Variants in MVB12B observed in about 807,000 individuals in gnomAD.
MVB12B encodes ESCRT-I complex subunit MVB12B.
A neutral mutation model predicts 41.6 loss-of-function variants in MVB12B; 16 were observed. That is an observed-to-expected ratio of 0.38 (90% CI 0.26 to 0.58). MVB12B has a LOEUF of 0.58. MVB12B is among the 20% of genes least tolerant of loss of function. MVB12B has a pLI of 0.62. For missense variants in MVB12B, 274 were observed against 380.2 expected, an observed-to-expected ratio of 0.72 and a Z score of 2.32; for synonymous variants, 133 against 139.7, an observed-to-expected ratio of 0.95 and a Z score of 0.34.
At chr9:126,410,399 T>G (rs565690633) in intron 6 of MVB12B, among the ~76,000 whole-genome samples, 56 of 152,218 alleles carry the variant, frequency 3.7e-4, no homozygotes, top group Non-Finnish European at 7.2e-4. Flanking sequence ...CCAGCCATTT[T>G]CTTCAGCTGT....
In MVB12B at chr9:126,386,735, T is replaced by G; in HGVS notation, c.409+77T>G. 1 of 1,099,446 alleles carries G rather than the reference T, an allele frequency of 9.1e-7. No individual in the cohort carries two copies. The highest frequency in any genetic ancestry group is 1.4e-6 in the Non-Finnish European group (1 of 732,670). 68.1% of individuals were successfully genotyped at this position (1,099,446 alleles called of 1,614,324 possible). ...GTATATTTGTAGGTGTTTTTCTATG[T>G]GCATTTTTCTTCAGAAACACTTTTG... On this transcript the variant is annotated intron_variant, in intron 4 of 9. Coordinates refer to ENST00000361171, the MANE Select transcript of MVB12B (RefSeq NM_033446.3). This position sits in a 1 kb window ranked among gnomAD's most constrained non-coding sequence, Gnocchi z 4.3.
chr9:126,362,714 G>A (rs557795219), intron 2 of MVB12B, among the ~76,000 whole-genome samples: 6 of 152,202 alleles, frequency 3.9e-5, no homozygotes, highest in East Asian at 1.9e-4. Flanking sequence ...TTTTTACATC[G>A]TACAAACTAT....
chr9:126,357,225 T>C (rs959600786), intron 2 of MVB12B, among the ~76,000 whole-genome samples: 1 of 152,230 alleles, frequency 6.6e-6, no homozygotes, highest in African/African-American at 2.4e-5. Context: ...AGTAGTGCTC[T>C]GTTGTACACC....
chr9:126,434,654 C>A (rs763575903), intron 7 of MVB12B, among the ~76,000 whole-genome samples: 2 of 152,202 alleles, frequency 1.3e-5, no homozygotes, highest in Non-Finnish European at 2.9e-5. Flanking sequence ...GCCAGTTTCA[C>A]TCCTGTGAGA....
intron 9 of MVB12B, among the ~76,000 whole-genome samples, chr9:126,489,390 C>T (rs1404765254): frequency 6.6e-6 from 1 of 152,354 alleles, no homozygotes; most frequent in African/African-American, 2.4e-5. Context: ...GCTGGTGGAG[C>T]GTGGTTAGAT....
intron 6 of MVB12B, chr9:126,396,768 C>T (rs1313527121): frequency 1.8e-5 from 18 of 985,446 alleles, no homozygotes; most frequent in Non-Finnish European, 2.2e-5. Context: ...AACTTAACTA[C>T]CCCTGGAATT....
In MVB12B at chr9:126,486,972, C is replaced by G. The variant is rs1833632595; in HGVS notation, c.873+2940C>G. 6.6e-6 allele frequency among the ~76,000 whole-genome samples: 1 copy of G among 151,884 alleles called. No individual in the cohort carries two copies. The highest frequency in any genetic ancestry group is 1.5e-5 in the Non-Finnish European group (1 of 67,946). On this transcript the variant is annotated intron_variant, in intron 9 of 9. Transcript: ENST00000361171. This position sits in a 1 kb window ranked among gnomAD's most constrained non-coding sequence, Gnocchi z 4.7. Reference sequence around the variant, plus strand: ...GGGTCCAGGGCGGGTGGTGGGAACCCTGCAAACCTTATTCTCTTCCCCACT... The same window carrying G: ...GGGTCCAGGGCGGGTGGTGGGAACCGTGCAAACCTTATTCTCTTCCCCACT...
In MVB12B at chr9:126,406,845, T is replaced by G. The variant is rs4836538; in HGVS notation, c.662+11148T>G. 8.4e-3 allele frequency among the ~76,000 whole-genome samples: 1,279 copies of G among 152,212 alleles called. 36 individuals are homozygous for G. Among genetic ancestry groups the G allele is most frequent in the East Asian group, 0.054 (282 of 5,176 alleles). ...TCCTTTCTTCATCTTTTTTTTTTTATTAAGTAATCAGTGACTTGAAAAATA... is the reference window on the plus strand; with the variant it reads ...TCCTTTCTTCATCTTTTTTTTTTTAGTAAGTAATCAGTGACTTGAAAAATA... On this transcript the variant is annotated intron_variant, in intron 6 of 9. Coordinates refer to ENST00000361171, the MANE Select transcript of MVB12B (RefSeq NM_033446.3).
chr9:126,426,224 G>T (rs901556090), intron 7 of MVB12B, among the ~76,000 whole-genome samples: 10 of 152,184 alleles, frequency 6.6e-5, no homozygotes, highest in South Asian at 2.1e-4. Flanking sequence ...CCTGGTTAGG[G>T]TCATCACTCC....
chr9:126,333,781 G>A lies in MVB12B; in HGVS notation c.82-6727G>A, dbSNP rs928561960. On this transcript the variant is annotated intron_variant, in intron 1 of 9. Transcript: ENST00000361171. The surrounding 1 kb of genome is among the most constrained non-coding windows in gnomAD (Gnocchi z 4.7). ...CCTTGGGTGAACTGTCAAGAGGAAG[G>A]AGGGGGAGACTGGAGGGCTGATTCT... Among the ~76,000 whole-genome samples the A allele has an allele frequency of 2.0e-5, 3 of 152,212 alleles. No homozygotes were observed. The highest frequency in any genetic ancestry group is 4.4e-5 in the Non-Finnish European group (3 of 68,040).
At chr9:126,336,402 A>C (rs913726653) in intron 1 of MVB12B, among the ~76,000 whole-genome samples, 1 of 152,230 alleles carries the variant, frequency 6.6e-6, no homozygotes, top group African/African-American at 2.4e-5. Flanking sequence ...GCTGACTTTC[A>C]GGGATTAAAC....
At position 126,395,429 on chromosome 9, in the gene MVB12B, C is replaced by T. The variant is rs960659827; in HGVS notation, c.540-146C>T. On this transcript the variant is annotated intron_variant, in intron 5 of 9. Transcript: ENST00000361171. The surrounding 1 kb of genome is among the most constrained non-coding windows in gnomAD (Gnocchi z 4.9). Reference sequence around the variant, plus strand: ...TATGACACCCAGAGCACAAAGGAGACGGTGGAACCCATTTCACGTGGAGGG... The same window carrying T: ...TATGACACCCAGAGCACAAAGGAGATGGTGGAACCCATTTCACGTGGAGGG... 28 of 952,166 alleles carry T rather than the reference C, an allele frequency of 2.9e-5. No individual in the cohort carries two copies. The East Asian group carries it at 3.1e-4, about 10-fold the overall frequency. The allele number at this position is 952,166 out of a possible 1,614,324, so 59.0% of individuals were successfully genotyped here. A position where few individuals can be genotyped will look rare whatever the true frequency, so the allele number is the denominator to read the frequency against.
intron 6 of MVB12B, among the ~76,000 whole-genome samples, chr9:126,407,619 C>T (rs1831483117): frequency 6.6e-6 from 1 of 152,082 alleles, no homozygotes; most frequent in African/African-American, 2.4e-5. Context: ...TGAGACTACC[C>T]CACCCCCACC....
chr9:126,429,106 A>G (rs112864397), intron 7 of MVB12B, among the ~76,000 whole-genome samples: 3 of 152,284 alleles, frequency 2.0e-5, no homozygotes, highest in African/African-American at 7.2e-5. Flanking sequence ...GTGAAAAGAT[A>G]TGTATAATAA....
chr9:126,430,884 T>C (rs764669373), intron 7 of MVB12B, among the ~76,000 whole-genome samples: 2 of 152,240 alleles, frequency 1.3e-5, no homozygotes, highest in Non-Finnish European at 2.9e-5. Flanking sequence ...GCAATGCTAG[T>C]ATCCATACCT....
intron 7 of MVB12B, among the ~76,000 whole-genome samples, chr9:126,423,932 C>T (rs1832098173): frequency 6.6e-6 from 1 of 152,168 alleles, no homozygotes; most frequent in African/African-American, 2.4e-5. Context: ...TGCCCCAGGC[C>T]CTAGCCCTTG....
intron 7 of MVB12B, among the ~76,000 whole-genome samples, chr9:126,431,130 A>G (rs750828873): frequency 6.6e-6 from 1 of 152,208 alleles, no homozygotes; most frequent in Non-Finnish European, 1.5e-5. Flanking sequence ...GCTTCCTTAT[A>G]TAATTTTGAT....
intron 7 of MVB12B, among the ~76,000 whole-genome samples, chr9:126,451,906 G>C (rs185915505): frequency 2.9e-4 from 44 of 152,344 alleles, no homozygotes; most frequent in African/African-American, 9.6e-4. Flanking sequence ...CCGAGTCTCT[G>C]TGTAAATTTC....
chr9:126,452,956 G>A (rs1042785611), intron 7 of MVB12B, among the ~76,000 whole-genome samples: 1 of 152,090 alleles, frequency 6.6e-6, no homozygotes, highest in Non-Finnish European at 1.5e-5. Flanking sequence ...AATAGTGGCT[G>A]TAGGACAATG....
Sources: allele counts gnomAD v4.1 joint callset (sites outside exome capture counted in the v4.1 genomes callset), GRCh38; gene constraint gnomAD v4.1.1; non-coding constraint Gnocchi (gnomAD v3.1); transcripts MANE v1.5; gene names NCBI Gene and HGNC (gene_info 2026-07-23, HGNC 2026-07-21).